Variants in L1TD1 observed in about 807,000 individuals in gnomAD.
L1TD1 encodes LINE1 type transposase domain containing 1.
A neutral mutation model predicts 25.7 loss-of-function variants in L1TD1; 26 were observed. That is an observed-to-expected ratio of 1.01 (90% CI 0.74 to 1.40). The LOEUF (loss-of-function observed/expected upper bound fraction) is 1.40, where lower values mean the gene tolerates loss of function less well. Among genes scored for constraint, L1TD1 ranks in the 40% most tolerant of loss-of-function variants. L1TD1 has a pLI of 0.00. For synonymous variants in L1TD1, 421 were observed against 335.6 expected (o/e 1.25, Z -2.78); for missense variants, 1,130 against 975.0 (o/e 1.16, Z -2.12).
intron 2 of L1TD1, among the ~76,000 whole-genome samples, chr1:62,198,868 TGCTC>T (rs1386597243): frequency 6.6e-6 from 1 of 151,976 alleles, no homozygotes; most frequent in East Asian, 1.9e-4. Context: ...GGCAGGGTCT[TGCTC>T]TGTCACCCAG....
intron 2 of L1TD1, among the ~76,000 whole-genome samples, chr1:62,200,519 TTA>T (rs1340908261): frequency 6.6e-6 from 1 of 152,038 alleles, no homozygotes; most frequent in African/African-American, 2.4e-5. Flanking sequence ...ATTTATGTAC[TTA>T]TATATAGTTA....
chr1:62,209,142 T>G (rs909520331), intron 3 of L1TD1, among the ~76,000 whole-genome samples: 3 of 152,192 alleles, frequency 2.0e-5, no homozygotes, highest in Admixed American at 2.0e-4. Flanking sequence ...CATTAGACCC[T>G]GCTTTATAAG....
In L1TD1 at chr1:62,207,393, T is replaced by C. The variant is rs1253221782; in HGVS notation, c.765T>C (p.Asp255=). The change falls in exon 3 of 4, where the codon GAT becomes GAC. Residue 255 remains aspartate, a synonymous_variant. Transcript: ENST00000498273. ...CCGACCTTTCATCAGCAACACTGGATATTAGTAAGCAATGGAGTAATGTCT... is the reference window on the plus strand; with the variant it reads ...CCGACCTTTCATCAGCAACACTGGACATTAGTAAGCAATGGAGTAATGTCT... ...LVADLSSATL[D]ISKQWSNVFN... 1 of 1,551,630 alleles carries C rather than the reference T, an allele frequency of 6.4e-7. No homozygotes were observed. Among genetic ancestry groups the C allele is most frequent in the South Asian group, 1.2e-5 (1 of 84,062 alleles).
chr1:62,208,669 A>C (rs1481938946), intron 3 of L1TD1, among the ~76,000 whole-genome samples: 1 of 151,956 alleles, frequency 6.6e-6, no homozygotes. Context: ...TATAGAGACG[A>C]GGTTTTGCCA....
At position 62,209,968 on chromosome 1, in the gene L1TD1, A is replaced by C. The variant is rs370736919; in HGVS notation, c.1194A>C (p.Glu398Asp). ...AGGCCTCAGGGATGGAGGATGATGA[A>C]GATACCTCAGGGCTGGAGGAGGAGG... ...DEEASGMEDD[E>D]DTSGLEEEEE... Residue 398 changes from glutamate (E) to aspartate (D), a missense_variant, in exon 4 of 4, where the codon GAA becomes GAC. Physicochemically the swap from Glu to Asp is conservative, Grantham distance 45. Coordinates refer to ENST00000498273, the MANE Select transcript of L1TD1 (RefSeq NM_019079.5). 1 of 1,610,644 alleles carries C rather than the reference A, an allele frequency of 6.2e-7. No individual in the cohort carries two copies. Among genetic ancestry groups the C allele is most frequent in the African/African-American group, 1.3e-5 (1 of 74,100 alleles).
Position 62,206,707 on chromosome 1 carries a change from A to G in L1TD1, c.79A>G (p.Arg27Gly). 1 of 1,549,992 alleles carries G rather than the reference A, an allele frequency of 6.5e-7. No individual in the cohort carries two copies. The highest frequency in any genetic ancestry group is 8.7e-7 in the Non-Finnish European group (1 of 1,146,518). ...AAAGGAAAATATCACCTATATGAAA[A>G]GAGAGCAGTTAACAGAAACTGATAA... ...KKKENITYMK[R>G]EQLTETDKDI... Residue 27 changes from arginine (R) to glycine (G), a missense_variant, in exon 3 of 4, where the codon AGA (arginine) becomes GGA (glycine). By Grantham distance (125) the Arg-to-Gly change is moderately radical. Transcript: ENST00000498273.
At chr1:62,196,893 G>A (rs1489553724) in intron 2 of L1TD1, among the ~76,000 whole-genome samples, 7 of 151,802 alleles carry the variant, frequency 4.6e-5, no homozygotes, top group African/African-American at 1.7e-4. Context: ...CGCCTGGACT[G>A]GGGAGGGGTA....
chr1:62,204,987 A>G (rs1670707410), intron 2 of L1TD1, among the ~76,000 whole-genome samples: 1 of 152,026 alleles, frequency 6.6e-6, no homozygotes, highest in South Asian at 2.1e-4. Flanking sequence ...GCAGGTCTCA[A>G]TCTCCTGAGC....
intron 2 of L1TD1, among the ~76,000 whole-genome samples, chr1:62,204,032 C>T (rs955020245): frequency 1.4e-4 from 22 of 152,118 alleles, no homozygotes; most frequent in Non-Finnish European, 2.6e-4. Flanking sequence ...GGCCTTTTTT[C>T]GCTATTCTCT....
rs11207933 is a variant in L1TD1, at chr1:62,210,419, C to A, written c.1645C>A (p.Pro549Thr). Residue 549 changes from proline to threonine, a missense_variant, in exon 4 of 4, where the codon CCC becomes ACC. Transcript: ENST00000498273. ...GCCCACAAGTCAAGGAACTGGCACA[C>A]CCTGTCTGACCTTATGTTTGGCCTC... ...AVPTSQGTGT[P>T]CLTLCLASPS... The A allele has an allele frequency of 0.14, 222,260 of 1,613,896 alleles. 16,505 individuals are homozygous for A. The highest frequency in any genetic ancestry group is 0.23 in the East Asian group (10,264 of 44,864).
chr1:62,201,323 G>C (rs1670634685), intron 2 of L1TD1, among the ~76,000 whole-genome samples: 1 of 151,836 alleles, frequency 6.6e-6, no homozygotes, highest in South Asian at 2.1e-4. Flanking sequence ...GTTTACCCTT[G>C]TTTTCAGCTT....
At chr1:62,195,491 C>T (rs1300838479) in intron 1 of L1TD1, among the ~76,000 whole-genome samples, 3 of 152,344 alleles carry the variant, frequency 2.0e-5, no homozygotes, top group East Asian at 1.9e-4. Flanking sequence ...CAGTGGCTCA[C>T]GCCTGTAATC....
rs752701856 is a variant in L1TD1, at chr1:62,210,302, C to T, written c.1528C>T (p.Pro510Ser). Residue 510 changes from proline to serine, a missense_variant, in exon 4 of 4, where the codon CCC (proline) becomes TCC (serine). Coordinates refer to ENST00000498273, the MANE Select transcript of L1TD1 (RefSeq NM_019079.5). ...KKASRRQKEI[P>S]FSYLVGDSGK... is the part of the protein sequence containing the mutation. ...AGCCTCACGTAGACAAAAAGAAATT[C>T]CCTTTAGTTATTTGGTTGGGGACTC... 6.2e-7 allele frequency: 1 copy of T among 1,614,082 alleles called. No individual in the cohort carries two copies. The highest frequency in any genetic ancestry group is 1.7e-5 in the Admixed American group (1 of 59,996).
In L1TD1 at chr1:62,206,562, G is replaced by T; in HGVS notation, c.-67G>T. The T allele has an allele frequency of 1.5e-6, 2 of 1,370,298 alleles. No individual in the cohort carries two copies. Among genetic ancestry groups the T allele is most frequent in the South Asian group, 2.0e-5 (1 of 49,184 alleles). The allele number at this position is 1,370,298 out of a possible 1,614,324, so 84.9% of individuals were successfully genotyped here. A position where few individuals can be genotyped will look rare whatever the true frequency, so the allele number is the denominator to read the frequency against. On this transcript the variant is annotated 5_prime_UTR_variant, in exon 3 of 4. Coordinates refer to ENST00000498273, the MANE Select transcript of L1TD1 (RefSeq NM_019079.5). ...TTTTTTAACTTCTGAAGTCTAGCAGGCCTGTAAGAACAAAAATCATTCTGT... is the reference window on the plus strand; with the variant it reads ...TTTTTTAACTTCTGAAGTCTAGCAGTCCTGTAAGAACAAAAATCATTCTGT...
chr1:62,207,377 C>A lies in L1TD1; in HGVS notation c.749C>A (p.Ser250Ter), dbSNP rs1349691508. ...GAVLTLVADL[S>*]SATLDISKQW... ...GTACTTACCCTGGTAGCCGACCTTT[C>A]ATCAGCAACACTGGATATTAGTAAG... is the stretch of plus-strand genomic sequence containing the variant. Residue 250 changes from serine (S) to a stop codon, truncating the protein, a stop_gained, in exon 3 of 4, where the codon TCA (serine) becomes TAA (stop). Coordinates refer to ENST00000498273, the MANE Select transcript of L1TD1 (RefSeq NM_019079.5). LOFTEE classifies it high-confidence loss of function. The A allele has an allele frequency of 1.9e-6, 3 of 1,551,520 alleles. No individual in the cohort carries two copies. In the African/African-American group the frequency reaches 4.1e-5, roughly 21 times the overall value.
chr1:62,206,703 GA>G lies in L1TD1; in HGVS notation c.79del (p.Arg27GlufsTer4). ...AKKKENITYM[K>X]REQLTETDKD... The stretch of plus-strand genomic sequence containing the variant: ...AGAAAAAGGAAAATATCACCTATAT[GA>G]AAAGAGAGCAGTTAACAGAAACTGA... On this transcript the variant is annotated frameshift_variant, in exon 3 of 4. Coordinates refer to ENST00000498273, the MANE Select transcript of L1TD1 (RefSeq NM_019079.5). LOFTEE classifies it high-confidence loss of function. 6.4e-7 allele frequency: 1 copy of G among 1,550,484 alleles called. No homozygotes were observed. Among genetic ancestry groups the G allele is most frequent in the Non-Finnish European group, 8.7e-7 (1 of 1,146,642 alleles).
At chr1:62,205,452 T>TTTTTTTTTTTTTTTTTTTTA (rs1317584007) in intron 2 of L1TD1, among the ~76,000 whole-genome samples, 2 of 125,158 alleles carry the variant, frequency 1.6e-5, no homozygotes, top group African/African-American at 6.2e-5. Context: ...TATTTTTTTT[T>TTTTTTTTTTTTTTTTTTTTA]AGACAGTCTT....
At position 62,210,744 on chromosome 1, in the gene L1TD1, A is replaced by G. The variant is rs1332276766; in HGVS notation, c.1970A>G (p.Asp657Gly). 6.4e-7 allele frequency: 1 copy of G among 1,551,632 alleles called. No individual in the cohort carries two copies. Among genetic ancestry groups the G allele is most frequent in the Non-Finnish European group, 8.7e-7 (1 of 1,146,958 alleles). Residue 657 changes from aspartate to glycine, a missense_variant, in exon 4 of 4, where the codon GAC becomes GGC. Physicochemically the swap from Asp to Gly is moderately conservative, Grantham distance 94. Transcript: ENST00000498273. Reference sequence around the variant, plus strand: ...GTAGATGATCTGAGTAGCAGAATGGACATACTTGAAGAAAGAATAGACAGT... The same window carrying G: ...GTAGATGATCTGAGTAGCAGAATGGGCATACTTGAAGAAAGAATAGACAGT... ...NSVDDLSSRMDILEERIDSLE... is the reference protein window; with the variant it reads ...NSVDDLSSRMGILEERIDSLE...
Position 62,206,977 on chromosome 1 carries a change from G to C in L1TD1, c.349G>C (p.Gly117Arg). 6.2e-7 allele frequency: 1 copy of C among 1,613,262 alleles called. No individual in the cohort carries two copies. ...AGCATTACAAAAAACAGGGATGGTAGGGAAAATAGAAGGAGAAAACTCTAA... is the reference window on the plus strand; with the variant it reads ...AGCATTACAAAAAACAGGGATGGTACGGAAAATAGAAGGAGAAAACTCTAA... ...NLALQKTGMV[G>R]KIEGENSKIG... The change falls in exon 3 of 4, where the codon GGG becomes CGG. Residue 117 changes from glycine to arginine, a missense_variant. By Grantham distance (125) the Gly-to-Arg change is moderately radical. Transcript: ENST00000498273.
Sources: gnomAD v4.1 joint callset for allele counts (sites outside exome capture counted in the v4.1 genomes callset) on GRCh38, gnomAD v4.1.1 for gene constraint, MANE v1.5 for transcripts, NCBI Gene and HGNC (gene_info 2026-07-23, HGNC 2026-07-21) for gene names.